The following ARHGEF6 variants were observed in gnomAD, a reference collection of about 807,000 sequenced individuals.
ARHGEF6 encodes Rac/Cdc42 guanine nucleotide exchange factor 6.
ARHGEF6 carries 9 observed loss-of-function variants against 70.3 expected under a neutral mutation model. The ratio of observed to expected loss-of-function variants is 0.13; its 90% CI spans 0.08 to 0.22. The LOEUF is 0.22. ARHGEF6 is among the 10% of genes least tolerant of loss of function. ARHGEF6 has a pLI of 1.00. For missense variants in ARHGEF6, 470 were observed against 563.0 expected (o/e 0.83, Z 1.67); for synonymous variants, 201 against 207.8 (o/e 0.97, Z 0.28).
intron 19 of ARHGEF6, among the ~76,000 whole-genome samples, chrX:136,674,564 G>A (rs2076258622): frequency 8.9e-6 from 1 of 111,980 alleles, no homozygotes; most frequent in Non-Finnish European, 1.9e-5. Context: ...CTTGAGTTTG[G>A]TGAAGCATTG....
intron 2 of ARHGEF6, among the ~76,000 whole-genome samples, chrX:136,764,827 A>T (rs755184015): frequency 7.1e-5 from 8 of 112,419 alleles, no homozygotes; most frequent in African/African-American, 2.6e-4. Context: ...AAGGAATACC[A>T]GTGGCTGGGC....
rs2148661506 is a variant in ARHGEF6, at chrX:136,745,303, C to T, written c.379G>A (p.Ala127Thr). The change falls in exon 4 of 22, where the codon GCT becomes ACT. Residue 127 changes from alanine to threonine, a missense_variant. Physicochemically the swap from Ala to Thr is moderately conservative, Grantham distance 58 (BLOSUM62 0). Transcript: ENST00000250617. Reference sequence around the variant, plus strand: ...GGGTTTGTCTGAGAAGTATTAGCAGCACTAAGAGAAGAGGAACGTCCACAT... The same window carrying T: ...GGGTTTGTCTGAGAAGTATTAGCAGTACTAAGAGAAGAGGAACGTCCACAT... The part of the protein sequence containing the change: ...RPCGRSSSLS[A>T]ANTSQTNPQG... 2 of 1,211,068 alleles carry T rather than the reference C, an allele frequency of 1.7e-6. No individual in the cohort carries two copies. The highest frequency in any genetic ancestry group is 5.9e-5 in the East Asian group (2 of 33,856).
intron 9 of ARHGEF6, among the ~76,000 whole-genome samples, chrX:136,691,012 T>C (rs2076452453): frequency 9.1e-6 from 1 of 109,905 alleles, no homozygotes; most frequent in Non-Finnish European, 1.9e-5. Context: ...TGATTGAGCA[T>C]CTACTAAGTG....
At chrX:136,723,213 A>G (rs1436022705) in intron 6 of ARHGEF6, among the ~76,000 whole-genome samples, 1 of 112,224 alleles carries the variant, frequency 8.9e-6, no homozygotes, top group Admixed American at 9.4e-5. Flanking sequence ...AATGTTGTGA[A>G]ATTAGATGAG....
intron 2 of ARHGEF6, chrX:136,767,553 C>A: frequency 5.3e-6 from 4 of 754,673 alleles, no homozygotes; most frequent in Non-Finnish European, 6.3e-6. Context: ...CGGAGGATCG[C>A]GGGGCCGAAC....
intron 5 of ARHGEF6, among the ~76,000 whole-genome samples, chrX:136,741,181 G>T (rs962489472): frequency 1.8e-5 from 2 of 111,549 alleles, no homozygotes; most frequent in African/African-American, 6.5e-5. Flanking sequence ...CCTAACTCTG[G>T]TTGTCGGGGG....
At chrX:136,757,221 G>C (rs2077215657) in intron 2 of ARHGEF6, among the ~76,000 whole-genome samples, 2 of 112,028 alleles carry the variant, frequency 1.8e-5, no homozygotes, top group Middle Eastern at 9.2e-3. Flanking sequence ...TTAACCAGAT[G>C]TGGTGGCACA....
intron 12 of ARHGEF6, among the ~76,000 whole-genome samples, chrX:136,683,421 C>T (rs962248152): frequency 9.0e-6 from 1 of 111,110 alleles, no homozygotes; most frequent in South Asian, 3.8e-4. Flanking sequence ...TGCAATGGCA[C>T]GATCTCGGCT....
chrX:136,769,895 T>C (rs1426208496), intron 2 of ARHGEF6, among the ~76,000 whole-genome samples: 1 of 112,127 alleles, frequency 8.9e-6, no homozygotes, highest in East Asian at 2.8e-4. Context: ...AAAAAGGAAA[T>C]ACAAATAGAC....
In ARHGEF6 at chrX:136,667,024, C is replaced by T. The variant is rs1285497351; in HGVS notation, c.*1005G>A. The T allele has an allele frequency of 8.9e-6, 1 of 112,548 alleles. No homozygotes were observed. The highest frequency in any genetic ancestry group is 1.9e-5 in the Non-Finnish European group (1 of 53,324). 9.3% of individuals were successfully genotyped at this position (112,548 alleles called of 1,213,427 possible). A position where few individuals can be genotyped will look rare whatever the true frequency, so the allele number is the denominator to read the frequency against. On this transcript the variant is annotated 3_prime_UTR_variant, in exon 22 of 22. Coordinates refer to ENST00000250617, the MANE Select transcript of ARHGEF6 (RefSeq NM_004840.3). ...AGTAGGGCACAATATCTTCTTAATG[C>T]AGATTGTTTTGAAGGATAAAACATC...
intron 12 of ARHGEF6, among the ~76,000 whole-genome samples, chrX:136,684,528 C>T (rs1412970685): frequency 9.0e-6 from 1 of 111,185 alleles, no homozygotes; most frequent in African/African-American, 3.3e-5. Flanking sequence ...TGGCTCCTTC[C>T]TAAAAGAAAT....
chrX:136,698,328 G>A (rs185300039), intron 9 of ARHGEF6, among the ~76,000 whole-genome samples: 2 of 111,070 alleles, frequency 1.8e-5, no homozygotes, highest in African/African-American at 6.5e-5. Context: ...AGAGGAGAGA[G>A]AGAATGGAGC....
intron 2 of ARHGEF6, among the ~76,000 whole-genome samples, chrX:136,776,953 G>T (rs762359128): frequency 9.0e-6 from 1 of 111,554 alleles, no homozygotes; most frequent in African/African-American, 3.2e-5. Context: ...GGCCGGGTGC[G>T]GTGGCTCACG....
Position 136,705,426 on chromosome X carries a change from T to C in ARHGEF6, c.1046+1482A>G, listed in dbSNP as rs376717499. ...TTTAAATTTGCATTTACATTATTCT[T>C]TCTGTGGATAAAATATATGTCTTAA... On this transcript the variant is annotated intron_variant, in intron 9 of 21. Coordinates refer to ENST00000250617, the MANE Select transcript of ARHGEF6 (RefSeq NM_004840.3). 6.6e-4 allele frequency among the ~76,000 whole-genome samples: 74 copies of C among 112,044 alleles called. No homozygotes were observed. In the South Asian group the frequency reaches 0.027, roughly 41 times the overall value.
chrX:136,667,883 G>T lies in ARHGEF6; in HGVS notation c.*146C>A. The T allele has an allele frequency of 3.8e-6, 3 of 779,896 alleles. No homozygotes were observed. The highest frequency in any genetic ancestry group is 2.0e-5 in the African/African-American group (1 of 48,971). The allele number at this position is 779,896 out of a possible 1,213,427, so 64.3% of individuals were successfully genotyped here. ...ACGCACACACATATGCACACAGCGG[G>T]GAGAGAAAGAGAAGAGAGAGGGAGA... On this transcript the variant is annotated 3_prime_UTR_variant, in exon 22 of 22. Transcript: ENST00000250617.
intron 3 of ARHGEF6, among the ~76,000 whole-genome samples, chrX:136,746,280 G>T (rs763593739): frequency 1.8e-5 from 2 of 112,300 alleles, no homozygotes; most frequent in South Asian, 7.3e-4. Context: ...TCCCTGACTA[G>T]AACTGGATAG....
At chrX:136,766,790 G>A (rs1402967450) in intron 2 of ARHGEF6, among the ~76,000 whole-genome samples, 1 of 112,604 alleles carries the variant, frequency 8.9e-6, no homozygotes, top group Non-Finnish European at 1.9e-5. Context: ...ATGGATGCTC[G>A]GGGTTGGGAG....
chrX:136,728,250 A>G (rs1308090759), intron 6 of ARHGEF6, among the ~76,000 whole-genome samples: 1 of 111,409 alleles, frequency 9.0e-6, no homozygotes, highest in Non-Finnish European at 1.9e-5. Flanking sequence ...CATGTCCCTC[A>G]AGGATGCTAA....
chrX:136,751,529 C>G (rs1439526789), intron 2 of ARHGEF6, among the ~76,000 whole-genome samples: 1 of 111,602 alleles, frequency 9.0e-6, no homozygotes, highest in Non-Finnish European at 1.9e-5. Context: ...TGTTTGTGCC[C>G]TTCCCAAATT....
Sources: gnomAD v4.1 joint callset for allele counts (sites outside exome capture counted in the v4.1 genomes callset) on GRCh38, gnomAD v4.1.1 for gene constraint, MANE v1.5 for transcripts, NCBI Gene and HGNC (gene_info 2026-07-23, HGNC 2026-07-21) for gene names.